The following FAM193A variants were observed in gnomAD, a reference collection of about 807,000 sequenced individuals.
FAM193A encodes the protein family with sequence similarity 193 member A.
Under a neutral mutation model 126.5 loss-of-function variants are expected in FAM193A, and 22 were observed. The ratio of observed to expected loss-of-function variants is 0.17; its 90% CI spans 0.12 to 0.25. The LOEUF is 0.25. FAM193A is among the 10% of genes least tolerant of loss of function. The pLI is 1.00. For synonymous variants in FAM193A, 761 were observed against 646.8 expected (o/e 1.18, Z -2.68); for missense variants, 1,675 against 1,672.8 (o/e 1.00, Z -0.02).
intron 18 of FAM193A, among the ~76,000 whole-genome samples, chr4:2,699,060 G>C (rs1257119137): frequency 6.6e-6 from 1 of 152,136 alleles, no homozygotes; most frequent in Non-Finnish European, 1.5e-5. Flanking sequence ...CTCACATCCA[G>C]CTAATTTTGA....
In FAM193A at chr4:2,555,476, T is replaced by C. The variant is rs144463106; in HGVS notation, c.255+18306T>C. Among the ~76,000 whole-genome samples the C allele has an allele frequency of 3.7e-4, 56 of 152,288 alleles. No individual in the cohort carries two copies. In the East Asian group the frequency reaches 9.3e-3, roughly 25 times the overall value. ...GGGTCCAACCGATTTTGAAAACTTA[T>C]TATATTTTAATGGAATTAACAGCTG... On this transcript the variant is annotated intron_variant, in intron 1 of 20. Transcript: ENST00000637812.
rs114691581 is a variant in FAM193A at position 2,588,007 on chromosome 4, C to T, written c.256-8077C>T. On this transcript the variant is annotated intron_variant, in intron 1 of 20. Coordinates refer to ENST00000637812, the MANE Select transcript of FAM193A (RefSeq NM_001366318.2). ...AGGACATTGGAGAGGAGGGCACAGG[C>T]GCAGGTCTGCGGATGTGTGGGAGCT... is the stretch of plus-strand genomic sequence containing the variant. Among the ~76,000 whole-genome samples the T allele has an allele frequency of 3.7e-3, 570 of 152,276 alleles. 3 individuals carry two copies. The highest frequency in any genetic ancestry group is 0.013 in the African/African-American group (537 of 41,544).
chr4:2,575,531 A>G (rs1398155925), intron 1 of FAM193A, among the ~76,000 whole-genome samples: 1 of 148,574 alleles, frequency 6.7e-6, no homozygotes, highest in East Asian at 2.0e-4. Context: ...CAGTGGCGCA[A>G]TCTCGGCTCG....
At chr4:2,589,839 T>A (rs1366323165) in intron 1 of FAM193A, among the ~76,000 whole-genome samples, 5 of 152,098 alleles carry the variant, frequency 3.3e-5, no homozygotes, top group Non-Finnish European at 7.4e-5. Context: ...AGGTAGCTAA[T>A]AAAAGATCAT....
intron 10 of FAM193A, among the ~76,000 whole-genome samples, chr4:2,662,432 A>C (rs2109115966): frequency 6.6e-6 from 1 of 152,348 alleles, no homozygotes; most frequent in East Asian, 1.9e-4. Flanking sequence ...AAAAGCAAAC[A>C]CTAAACACCT....
intron 2 of FAM193A, among the ~76,000 whole-genome samples, chr4:2,613,687 C>T (rs1212407062): frequency 5.3e-5 from 8 of 151,516 alleles, no homozygotes; most frequent in Admixed American, 2.0e-4. Flanking sequence ...CTCCCGACCT[C>T]GGGTGATCCG....
At chr4:2,622,837 C>T (rs1742637281) in intron 2 of FAM193A, among the ~76,000 whole-genome samples, 1 of 152,066 alleles carries the variant, frequency 6.6e-6, no homozygotes, top group African/African-American at 2.4e-5. Flanking sequence ...CCTAAAGGCC[C>T]TACTTCCTGA....
intron 13 of FAM193A, among the ~76,000 whole-genome samples, chr4:2,674,690 C>T (rs1714202823): frequency 1.3e-5 from 2 of 152,022 alleles, no homozygotes; most frequent in Non-Finnish European, 2.9e-5. Context: ...AAAAGTTTAG[C>T]ATGGGTACTA....
At chr4:2,689,195 G>A (rs190611663) in intron 13 of FAM193A, among the ~76,000 whole-genome samples, 5 of 152,308 alleles carry the variant, frequency 3.3e-5, no homozygotes, top group East Asian at 1.9e-4. Context: ...ATCTTACGAC[G>A]CACATGGCAC....
At chr4:2,616,934 T>A (rs1322872834) in intron 2 of FAM193A, among the ~76,000 whole-genome samples, 3 of 145,956 alleles carry the variant, frequency 2.1e-5, no homozygotes, top group Admixed American at 2.0e-4. Context: ...TTTGGGAGGC[T>A]GAGGCGGGCG....
chr4:2,629,413 T>C (rs1018875134), intron 4 of FAM193A, among the ~76,000 whole-genome samples: 15 of 152,330 alleles, frequency 9.8e-5, no homozygotes, highest in African/African-American at 3.6e-4. Flanking sequence ...GCTCAAAAAA[T>C]TAATGTCTGT....
intron 1 of FAM193A, among the ~76,000 whole-genome samples, chr4:2,537,686 C>A (rs1393843906): frequency 6.6e-6 from 1 of 152,204 alleles, no homozygotes; most frequent in Non-Finnish European, 1.5e-5. Flanking sequence ...CTTCGTTATT[C>A]CGTGCGCGTG....
At chr4:2,592,897 G>T (rs1296109324) in intron 1 of FAM193A, among the ~76,000 whole-genome samples, 1 of 152,136 alleles carries the variant, frequency 6.6e-6, no homozygotes. Flanking sequence ...GCTCACACAG[G>T]GCCAGGAGCA....
chr4:2,663,529 C>G (rs560871645), intron 12 of FAM193A, among the ~76,000 whole-genome samples: 2 of 151,736 alleles, frequency 1.3e-5, no homozygotes, highest in African/African-American at 2.4e-5. Flanking sequence ...TGTATAGAAG[C>G]AAAGAGAGGA....
rs1745098356 is a variant in FAM193A at position 2,645,967 on chromosome 4, C to T, written c.1164-718C>T. Among the ~76,000 whole-genome samples the T allele has an allele frequency of 2.0e-5, 3 of 152,068 alleles. No individual in the cohort carries two copies. The South Asian group carries it at 6.2e-4, about 31-fold the overall frequency. ...ATTAAGTGTTTTGTTTTCTCTGAGC[C>T]AGTTGTATTTTCAAGAGTAAAATAA... is the stretch of plus-strand genomic sequence containing the variant. On this transcript the variant is annotated intron_variant, in intron 6 of 20. Transcript: ENST00000637812.
At chr4:2,650,648 C>T (rs759020481) in intron 7 of FAM193A, among the ~76,000 whole-genome samples, 1 of 152,140 alleles carries the variant, frequency 6.6e-6, no homozygotes, top group Non-Finnish European at 1.5e-5. Flanking sequence ...CTCCTTAATC[C>T]AAGAGTGTCT....
At chr4:2,712,168 G>C (rs1482806869) in intron 19 of FAM193A, among the ~76,000 whole-genome samples, 1 of 151,998 alleles carries the variant, frequency 6.6e-6, no homozygotes, top group Non-Finnish European at 1.5e-5. Flanking sequence ...ATTTTCTTGG[G>C]TCTTGGTATA....
At chr4:2,599,202 TTTAAAG>T (rs71644342) in intron 2 of FAM193A, among the ~76,000 whole-genome samples, 4,724 of 152,000 alleles carry the variant, frequency 0.031, 85 homozygotes, top group South Asian at 0.072. Context: ...TCAGAATTTG[TTTAAAG>T]TTAAACTGTT....
chr4:2,596,791 T>C (rs1359522773), intron 2 of FAM193A, among the ~76,000 whole-genome samples: 2 of 152,190 alleles, frequency 1.3e-5, no homozygotes, highest in South Asian at 2.1e-4. Flanking sequence ...TACTCTTATC[T>C]TTGACCTGAT....
Sources: allele counts gnomAD v4.1 joint callset (sites outside exome capture counted in the v4.1 genomes callset), GRCh38; gene constraint gnomAD v4.1.1; transcripts MANE v1.5; gene names NCBI Gene and HGNC (gene_info 2026-07-23, HGNC 2026-07-21).